Variants in DGKI observed in about 807,000 individuals in gnomAD.
DGKI encodes DAG kinase iota.
DGKI carries 55 observed loss-of-function variants against 147.5 expected under a neutral mutation model. The ratio of observed to expected loss-of-function variants is 0.37; its 90% CI spans 0.30 to 0.47. The LOEUF (loss-of-function observed/expected upper bound fraction) is 0.47. Ranked by LOEUF, DGKI falls within the 20% of genes least tolerant of loss-of-function variation. The pLI, the probability that DGKI is intolerant of heterozygous loss-of-function variation, is 1.00. For missense variants in DGKI, 1,007 were observed against 1,323.8 expected (o/e 0.76, Z 3.71); for synonymous variants, 469 against 477.1 (o/e 0.98, Z 0.22).
chr7:137,670,650 T>C (rs1341256569), intron 3 of DGKI, among the ~76,000 whole-genome samples: 1 of 152,210 alleles, frequency 6.6e-6, no homozygotes, highest in East Asian at 1.9e-4. Context: ...GTCATCTTGA[T>C]TCATTAGATC....
At chr7:137,683,091 T>A (rs1823295602) in intron 2 of DGKI, among the ~76,000 whole-genome samples, 1 of 152,128 alleles carries the variant, frequency 6.6e-6, no homozygotes, top group Non-Finnish European at 1.5e-5. Flanking sequence ...ATACCCCCAA[T>A]TACTTACTAT....
chr7:137,428,827 T>G (rs1481396094), intron 28 of DGKI, among the ~76,000 whole-genome samples: 1 of 152,002 alleles, frequency 6.6e-6, no homozygotes, highest in African/African-American at 2.4e-5. Context: ...ATAAAATACC[T>G]AGGAATCCAA....
intron 28 of DGKI, among the ~76,000 whole-genome samples, chr7:137,426,697 G>T (rs1397033569): frequency 1.3e-5 from 2 of 151,618 alleles, no homozygotes; most frequent in African/African-American, 4.8e-5. Flanking sequence ...ATAAAAGGAT[G>T]GAGGAAGATC....
chr7:137,707,801 T>G (rs1344174129), intron 1 of DGKI, among the ~76,000 whole-genome samples: 1 of 152,160 alleles, frequency 6.6e-6, no homozygotes, highest in East Asian at 1.9e-4. Context: ...TCTCAGGTAT[T>G]TTTTTATAGC....
At chr7:137,478,517 A>C (rs1008103868) in intron 23 of DGKI, among the ~76,000 whole-genome samples, 2 of 152,244 alleles carry the variant, frequency 1.3e-5, no homozygotes, top group African/African-American at 4.8e-5. Flanking sequence ...ATTAGTGTTT[A>C]AAGTAACTCT....
chr7:137,636,446 G>A (rs1169734307), intron 6 of DGKI, among the ~76,000 whole-genome samples: 1 of 152,114 alleles, frequency 6.6e-6, no homozygotes, highest in African/African-American at 2.4e-5. Context: ...AAAAATGTAC[G>A]ATACAAAACA....
In DGKI at chr7:137,623,373, A is replaced by T. The variant is rs1820818927; in HGVS notation, c.876+110T>A. On this transcript the variant is annotated intron_variant, in intron 7 of 32. Transcript: ENST00000614521. ...CCAAGGATCCTATATGAGAAAAGCA[A>T]TACATTAAATTAGGAATGCCTTCTA... 7.0e-6 allele frequency: 7 copies of T among 1,005,054 alleles called. No homozygotes were observed. The South Asian group carries it at 9.4e-5, about 13-fold the overall frequency. The allele number at this position is 1,005,054 out of a possible 1,614,324, so 62.3% of individuals were successfully genotyped here.
chr7:137,665,613 C>T (rs1465849444), intron 3 of DGKI, among the ~76,000 whole-genome samples: 1 of 152,148 alleles, frequency 6.6e-6, no homozygotes. Context: ...GTTCCTAGCA[C>T]CTCCCCTGAG....
chr7:137,559,641 A>G (rs1818349725), intron 19 of DGKI, among the ~76,000 whole-genome samples: 1 of 151,562 alleles, frequency 6.6e-6, no homozygotes. Flanking sequence ...ACTTGTATAC[A>G]TGTGTCTTTT....
rs1421857910 is a variant in DGKI, at chr7:137,427,101, T to C, written c.2762-14894A>G. Among the ~76,000 whole-genome samples the C allele has an allele frequency of 1.1e-4, 17 of 152,056 alleles. No individual in the cohort carries two copies. The South Asian group carries it at 3.3e-3, about 30-fold the overall frequency. ...ACCCAAATCAACAGAATATACATTT[T>C]TTTCAGCACCACCCCACACCTATTC... On this transcript the variant is annotated intron_variant, in intron 28 of 32. Transcript: ENST00000614521.
In DGKI at chr7:137,569,407, T is replaced by G. The variant is rs552925167; in HGVS notation, c.1947+1768A>C. 1.4e-3 allele frequency among the ~76,000 whole-genome samples: 212 copies of G among 151,992 alleles called. 1 individual carries two copies. Among genetic ancestry groups the G allele is most frequent in the Non-Finnish European group, 2.4e-3 (162 of 67,992 alleles). ...ACAGTTTAGAGAGTTTTTTCCATCA[T>G]ATACGGGCATGATTTTGTCACCTCC... On this transcript the variant is annotated intron_variant, in intron 19 of 32. Coordinates refer to ENST00000614521, the MANE Select transcript of DGKI (RefSeq NM_001321708.2).
chr7:137,767,001 G>A (rs1796033047), intron 1 of DGKI, among the ~76,000 whole-genome samples: 1 of 152,168 alleles, frequency 6.6e-6, no homozygotes, highest in Admixed American at 6.5e-5. Context: ...ACTCTGCAGT[G>A]GGGGGCCACT....
chr7:137,656,091 GAAC>G (rs1265091623), intron 4 of DGKI, among the ~76,000 whole-genome samples: 1 of 152,184 alleles, frequency 6.6e-6, no homozygotes, highest in Non-Finnish European at 1.5e-5. Flanking sequence ...AGATATATGT[GAAC>G]AACAATTATA....
At chr7:137,713,194 C>A (rs554836421) in intron 1 of DGKI, among the ~76,000 whole-genome samples, 4 of 152,160 alleles carry the variant, frequency 2.6e-5, no homozygotes, top group Non-Finnish European at 2.9e-5. Flanking sequence ...GTATGATTCA[C>A]CTGTCATTGA....
chr7:137,623,677 G>C (rs1442355816), intron 6 of DGKI, 123 bp from the exon 7 acceptor site: 3 of 776,828 alleles, frequency 3.9e-6, no homozygotes, highest in Non-Finnish European at 4.5e-6. Flanking sequence ...CACCACTGGA[G>C]GTAAGTAGAA....
chr7:137,833,100 T>G (rs1355898571), intron 1 of DGKI, among the ~76,000 whole-genome samples: 1 of 152,198 alleles, frequency 6.6e-6, no homozygotes, highest in East Asian at 1.9e-4. Context: ...CTTTCCCACA[T>G]TTTCCTGTCT....
Position 137,525,491 on chromosome 7 carries a change from A to G in DGKI, c.2148-3525T>C, listed in dbSNP as rs1817112206. Among the ~76,000 whole-genome samples, 2 of 152,188 alleles carry G rather than the reference A, an allele frequency of 1.3e-5. 1 individual carries two copies. The highest frequency in any genetic ancestry group is 4.1e-4 in the South Asian group (2 of 4,836). On this transcript the variant is annotated intron_variant, in intron 20 of 32. Coordinates refer to ENST00000614521, the MANE Select transcript of DGKI (RefSeq NM_001321708.2). Reference sequence around the variant, plus strand: ...TGCAACCCTGGTGTAAACAGCAGGTATGGGAGGCAACACAGCAAAGTGGTG... The same window carrying G: ...TGCAACCCTGGTGTAAACAGCAGGTGTGGGAGGCAACACAGCAAAGTGGTG...
chr7:137,544,754 A>G (rs889503667), intron 20 of DGKI, among the ~76,000 whole-genome samples: 8 of 152,148 alleles, frequency 5.3e-5, no homozygotes, highest in African/African-American at 9.7e-5. Flanking sequence ...ATCTGTGAAC[A>G]TGGCTGGGAA....
At position 137,408,968 on chromosome 7, in the gene DGKI, T is replaced by C. The variant is rs566564798; in HGVS notation, c.2800-973A>G. On this transcript the variant is annotated intron_variant, in intron 29 of 32. Coordinates refer to ENST00000614521, the MANE Select transcript of DGKI (RefSeq NM_001321708.2). ...TCAAGAAGTTAGATGGCACACATTA[T>C]AGATAATCAAACATCCCATAAGGTG... Among the ~76,000 whole-genome samples, 4 of 152,306 alleles carry C rather than the reference T, an allele frequency of 2.6e-5. No homozygotes were observed. In the East Asian group the frequency reaches 5.8e-4, roughly 22 times the overall value.
Sources: gnomAD v4.1 joint callset for allele counts (sites outside exome capture counted in the v4.1 genomes callset) on GRCh38, gnomAD v4.1.1 for gene constraint, MANE v1.5 for transcripts, NCBI Gene and HGNC (gene_info 2026-07-23, HGNC 2026-07-21) for gene names.